Variants in HK1 observed in about 807,000 individuals in gnomAD.
The protein encoded by HK1 is hexokinase 1, also known as hexokinase-1.
HK1 carries 28 observed loss-of-function variants against 91.6 expected under a neutral mutation model. The observed-to-expected ratio is 0.31, with a 90% CI of 0.23 to 0.42. HK1 has a LOEUF of 0.42. Ranked by LOEUF, HK1 falls within the 10% of genes least tolerant of loss-of-function variation. HK1 has a pLI of 1.00. For missense variants in HK1, 770 were observed against 1,219.8 expected (o/e 0.63, Z 5.49); for synonymous variants, 430 against 468.1 (o/e 0.92, Z 1.05).
chr10:69,364,185 C>T (rs1849577540), intron 3 of HK1, among the ~76,000 whole-genome samples: 2 of 152,212 alleles, frequency 1.3e-5, no homozygotes, highest in Admixed American at 6.5e-5. Flanking sequence ...CGTGTTTCTC[C>T]ATCTGGGTGC....
chr10:69,363,990 G>A (rs970017906), intron 3 of HK1, among the ~76,000 whole-genome samples: 2 of 152,192 alleles, frequency 1.3e-5, no homozygotes, highest in South Asian at 2.1e-4. Context: ...ACATGGTGTC[G>A]AGTGAAAGAA....
At chr10:69,300,801 A>G in exon 5 of HK1, 2 of 1,610,248 alleles carry the variant, frequency 1.2e-6, no homozygotes, top group Non-Finnish European at 1.7e-6. Flanking sequence ...ATCAGCCAGG[A>G]CATTAATGTG....
Position 69,395,682 on chromosome 10 carries a change from T to C in HK1, c.2375+577T>C, listed in dbSNP as rs866592168. On this transcript the variant is annotated intron_variant, in intron 16 of 17. Transcript: ENST00000359426. The stretch of plus-strand genomic sequence containing the variant: ...ATGTGTGTAAGAGGGCCATATGGAT[T>C]CCATTTCAGATGGTAAAGATGCACT... Among the ~76,000 whole-genome samples, 9 of 152,218 alleles carry C rather than the reference T, an allele frequency of 5.9e-5. 1 individual carries two copies. In the South Asian group the frequency reaches 6.2e-4, roughly 11 times the overall value.
chr10:69,390,733 C>T (rs575748221), intron 14 of HK1, among the ~76,000 whole-genome samples: 4 of 152,288 alleles, frequency 2.6e-5, no homozygotes, highest in South Asian at 4.1e-4. Context: ...TGCTCCTGGG[C>T]GCATCATTAG....
At position 69,293,836 on chromosome 10, in the gene HK1, A is replaced by G. The variant is rs1276676964; in HGVS notation, c.-114-1797A>G. Among the ~76,000 whole-genome samples, 3 of 150,906 alleles carry G rather than the reference A, an allele frequency of 2.0e-5. No individual in the cohort carries two copies. The Admixed American group carries it at 2.0e-4, about 10-fold the overall frequency. Reference sequence around the variant, plus strand: ...AGCAGCATGGGAAGTCAAGCCCCGAAGCACAAGCATATTTCTTTCTTTTTT... The same window carrying G: ...AGCAGCATGGGAAGTCAAGCCCCGAGGCACAAGCATATTTCTTTCTTTTTT... On this transcript the variant is annotated intron_variant, in intron 3 of 21. Transcript: ENST00000360289.
chr10:69,292,848 G>A (rs552691970), intron 3 of HK1, among the ~76,000 whole-genome samples: 16 of 152,246 alleles, frequency 1.1e-4, no homozygotes, highest in East Asian at 3.9e-4. Flanking sequence ...GTCCCTAGGC[G>A]TCACCAATAT....
intron 1 of HK1, among the ~76,000 whole-genome samples, chr10:69,273,254 A>G (rs1417048656): frequency 1.3e-5 from 2 of 151,310 alleles, no homozygotes; most frequent in Non-Finnish European, 2.9e-5. Flanking sequence ...CTCACTCTGT[A>G]ACACAGGCTG....
chr10:69,275,727 A>G (rs1844404478), intron 1 of HK1, among the ~76,000 whole-genome samples: 1 of 152,204 alleles, frequency 6.6e-6, no homozygotes, highest in African/African-American at 2.4e-5. Flanking sequence ...TTATTTACAA[A>G]TTTATTAAGA....
At chr10:69,275,388 T>TA (rs903446927) in intron 1 of HK1, among the ~76,000 whole-genome samples, 74 of 148,638 alleles carry the variant, frequency 5.0e-4, no homozygotes, top group African/African-American at 1.5e-3. Context: ...AAATAAAATT[T>TA]AAAAAAAAAA....
intron 17 of HK1, among the ~76,000 whole-genome samples, chr10:69,399,142 C>T (rs973852851): frequency 1.3e-5 from 2 of 152,082 alleles, no homozygotes; most frequent in Non-Finnish European, 2.9e-5. Flanking sequence ...TGAGGGTGGG[C>T]GTGGGCTCAC....
At position 69,392,438 on chromosome 10, in the gene HK1, T is replaced by C. The variant is rs915303340; in HGVS notation, c.2219+130T>C. On this transcript the variant is annotated intron_variant, in intron 15 of 17. Transcript: ENST00000359426. ...ACAGAGGTTTCAAGACTGGACCCCC[T>C]GGCTCACTCCTGACCTTTGTCTTTT... is the stretch of plus-strand genomic sequence containing the variant. 1.6e-5 allele frequency: 15 copies of C among 936,768 alleles called. No homozygotes were observed. In the African/African-American group the frequency reaches 2.4e-4, roughly 15 times the overall value. 58.0% of individuals were successfully genotyped at this position (936,768 alleles called of 1,614,324 possible).
rs867541895 is a variant in HK1, at chr10:69,379,931, C to T, written c.1101C>T (p.Asp367=). 1.9e-6 allele frequency: 3 copies of T among 1,614,234 alleles called. No individual in the cohort carries two copies. In the Middle Eastern group the frequency reaches 4.9e-4, roughly 266 times the overall value. Residue 367 remains aspartate, a synonymous_variant, in exon 9 of 18, where the codon GAC becomes GAT. Transcript: ENST00000359426. ...TRLGVEPSDD[D]CVSVQHVCTI... ...TGGGAGTGGAGCCGTCCGATGATGA[C>T]TGTGTCTCAGTCCAGCACGTTTGCA...
At chr10:69,276,743 A>C (rs538794989) in intron 1 of HK1, among the ~76,000 whole-genome samples, 289 of 150,184 alleles carry the variant, frequency 1.9e-3, no homozygotes, top group African/African-American at 6.8e-3. Flanking sequence ...ATAATTAAAC[A>C]TCAAATCATT....
chr10:69,348,713 A>G (rs1401624159), intron 2 of HK1, among the ~76,000 whole-genome samples: 3 of 152,128 alleles, frequency 2.0e-5, no homozygotes, highest in Non-Finnish European at 4.4e-5. Flanking sequence ...TGGGAGGCTG[A>G]GGCACGAGAA....
At chr10:69,385,019 G>C (rs1342909586) in intron 12 of HK1, 104 bp downstream of exon 12, 2 of 1,274,854 alleles carry the variant, frequency 1.6e-6, no homozygotes, top group Middle Eastern at 2.5e-4. Flanking sequence ...GTCATTCCTA[G>C]ATGACAGTCA....
chr10:69,319,189 T>C (rs897338756), intron 1 of HK1, 179 bp downstream of exon 1: 35 of 746,758 alleles, frequency 4.7e-5, no homozygotes, highest in Non-Finnish European at 7.3e-5. Flanking sequence ...TCAGTGTCTC[T>C]GTGTGTGTGC....
chr10:69,284,153 T>C (rs1289129902), intron 2 of HK1, among the ~76,000 whole-genome samples: 1 of 152,096 alleles, frequency 6.6e-6, no homozygotes, highest in Non-Finnish European at 1.5e-5. Flanking sequence ...TGCTCTGCAG[T>C]TGAGGGACAG....
intron 12 of HK1, 35 bp from the exon 13 acceptor site, chr10:69,386,288 T>C: frequency 6.4e-7 from 1 of 1,560,680 alleles, no homozygotes; most frequent in Non-Finnish European, 8.8e-7. Flanking sequence ...CCAGGTTAAT[T>C]ACACAGGACT....
intron 3 of HK1, among the ~76,000 whole-genome samples, chr10:69,361,777 C>T (rs530380626): frequency 6.6e-6 from 1 of 152,232 alleles, no homozygotes; most frequent in East Asian, 1.9e-4. Context: ...AGGATGATGA[C>T]GATAATCATG....
Sources: gnomAD v4.1 joint callset for allele counts (sites outside exome capture counted in the v4.1 genomes callset) on GRCh38, gnomAD v4.1.1 for gene constraint, MANE v1.5 for transcripts, NCBI Gene and HGNC (gene_info 2026-07-23, HGNC 2026-07-21) for gene names.